Variants in CLNK observed in about 807,000 individuals in gnomAD.
CLNK encodes the protein cytokine-dependent hematopoietic cell linker.
In CLNK, 74 loss-of-function variants were observed where a neutral mutation model predicts 68.6. That is an observed-to-expected ratio of 1.08 (90% CI 0.89 to 1.31). CLNK has a LOEUF of 1.31. Among genes scored for constraint, CLNK ranks in the 50% most tolerant of loss-of-function variants. The pLI is 0.00. For synonymous variants in CLNK, 198 were observed against 172.2 expected (o/e 1.15, Z -1.17); for missense variants, 553 against 515.3 (o/e 1.07, Z -0.71).
chr4:10,489,997 A>T lies in CLNK; in HGVS notation c.*470T>A, dbSNP rs1716498382. The T allele has an allele frequency of 6.5e-6, 1 of 154,526 alleles. No individual in the cohort carries two copies. Among genetic ancestry groups the T allele is most frequent in the Non-Finnish European group, 1.4e-5 (1 of 69,876 alleles). The allele number at this position is 154,526 out of a possible 1,614,324, so 9.6% of individuals were successfully genotyped here. A position where few individuals can be genotyped will look rare whatever the true frequency, so the allele number is the denominator to read the frequency against. The stretch of plus-strand genomic sequence containing the variant: ...CTTTAGTGTAAGAAATCATCCACAC[A>T]TTGTATATATGTAAGGCCCAACAAC... On this transcript the variant is annotated 3_prime_UTR_variant, in exon 19 of 19. Coordinates refer to ENST00000226951, the MANE Select transcript of CLNK (RefSeq NM_052964.4).
intron 2 of CLNK, among the ~76,000 whole-genome samples, chr4:10,619,481 C>T (rs2720369): frequency 0.69 from 105,407 of 152,006 alleles, 37,535 homozygotes; most frequent in East Asian, 0.77. Flanking sequence ...AGCTACCATC[C>T]CTCCCAAAGC....
chr4:10,573,763 C>G (rs1270984748), intron 4 of CLNK, among the ~76,000 whole-genome samples: 1 of 152,128 alleles, frequency 6.6e-6, no homozygotes, highest in African/African-American at 2.4e-5. Context: ...TCCTTTCTCA[C>G]CAGAGGCGAG....
At position 10,525,894 on chromosome 4, in the gene CLNK, T is replaced by C; in HGVS notation, c.678A>G (p.Ser226=). Residue 226 remains serine (S), a synonymous_variant, in exon 14 of 19, where the codon TCA becomes TCG. Coordinates refer to ENST00000226951, the MANE Select transcript of CLNK (RefSeq NM_052964.4). The stretch of plus-strand genomic sequence containing the variant: ...TATTTTGGTTTTCTAACAGATGAGT[T>C]GATTCAGGCTTCCTCTGGTTATGAG... ...KVPHNQRKPE[S]THLLENQNTQ... 6.3e-7 allele frequency: 1 copy of C among 1,579,824 alleles called. No homozygotes were observed. The highest frequency in any genetic ancestry group is 8.6e-7 in the Non-Finnish European group (1 of 1,160,632).
intron 2 of CLNK, among the ~76,000 whole-genome samples, chr4:10,662,906 T>C (rs1159981336): frequency 6.6e-6 from 1 of 152,236 alleles, no homozygotes; most frequent in African/African-American, 2.4e-5. Flanking sequence ...GCTTAAGCCT[T>C]ATTTCAAAGT....
rs1716373738 is a variant in CLNK, at chr4:10,486,943, C to T, written c.*3524G>A. ...TTCACTGCTCTATTTTCAACATCTA[C>T]AATAGTGCTTAGTAATGAATACACA... On this transcript the variant is annotated 3_prime_UTR_variant, in exon 19 of 19. Coordinates refer to ENST00000226951, the MANE Select transcript of CLNK (RefSeq NM_052964.4). The T allele has an allele frequency of 2.6e-5, 4 of 152,120 alleles. No homozygotes were observed. Among genetic ancestry groups the T allele is most frequent in the South Asian group, 2.1e-4 (1 of 4,838 alleles). The allele number at this position is 152,120 out of a possible 1,614,324, so 9.4% of individuals were successfully genotyped here.
Position 10,501,301 on chromosome 4 carries a change from C to G in CLNK, c.1095G>C (p.Glu365Asp), listed in dbSNP as rs1200575936. Reference sequence around the variant, plus strand: ...TCCCCAGGGCAAACTGCTGATTCCTCTCCAGGAAGCGTATTTTTACATTGT... The same window carrying G: ...TCCCCAGGGCAAACTGCTGATTCCTGTCCAGGAAGCGTATTTTTACATTGT... ...KVYNVKIRFL[E>D]RNQQFALGTG... The change falls in exon 18 of 19, where the codon GAG (glutamate) becomes GAC (aspartate). Residue 365 changes from glutamate to aspartate, a missense_variant. Glu to Asp is a conservative substitution (Grantham distance 45). Transcript: ENST00000226951. The G allele has an allele frequency of 1.9e-6, 3 of 1,606,540 alleles. No homozygotes were observed. Among genetic ancestry groups the G allele is most frequent in the Non-Finnish European group, 2.5e-6 (3 of 1,177,424 alleles).
intron 2 of CLNK, among the ~76,000 whole-genome samples, chr4:10,616,790 G>GTATATATATATATATACATA (rs1553858174): frequency 1.6e-5 from 1 of 64,360 alleles, no homozygotes; most frequent in Non-Finnish European, 4.2e-5. Flanking sequence ...GTGTGTGTGT[G>GTATATATATATATATACATA]TATATATATA....
chr4:10,503,384 C>T (rs893687279), intron 17 of CLNK, among the ~76,000 whole-genome samples: 1 of 151,582 alleles, frequency 6.6e-6, no homozygotes, highest in Non-Finnish European at 1.5e-5. Flanking sequence ...ATCGCTTGGA[C>T]CCAGGAGGCG....
chr4:10,732,131 T>C, the CLNK span, among the ~76,000 whole-genome samples: 1 of 152,220 alleles, frequency 6.6e-6, no homozygotes, highest in East Asian at 1.9e-4. Flanking sequence ...AATTAGAAAG[T>C]AATGAGTTTT....
At chr4:10,669,412 AG>A (rs554228361) in intron 1 of CLNK, among the ~76,000 whole-genome samples, 55 of 152,342 alleles carry the variant, frequency 3.6e-4, no homozygotes, top group African/African-American at 1.3e-3. Flanking sequence ...TTGTCTTGCC[AG>A]GTAAGTCTGG....
intron 2 of CLNK, among the ~76,000 whole-genome samples, chr4:10,639,842 T>C (rs534188806): frequency 2.0e-5 from 3 of 152,314 alleles, no homozygotes; most frequent in African/African-American, 7.2e-5. Flanking sequence ...AAATATTCTC[T>C]TGTGAAAGAA....
chr4:10,490,449 G>A lies in CLNK; in HGVS notation c.*18C>T. The A allele has an allele frequency of 2.5e-6, 4 of 1,610,042 alleles. No individual in the cohort carries two copies. Among genetic ancestry groups the A allele is most frequent in the Non-Finnish European group, 3.4e-6 (4 of 1,178,742 alleles). ...GAAGCGCTGAATCCAGTAAACCAAA[G>A]ATAACACAAAGACCAGGCTACAGAG... On this transcript the variant is annotated 3_prime_UTR_variant, in exon 19 of 19. Coordinates refer to ENST00000226951, the MANE Select transcript of CLNK (RefSeq NM_052964.4).
chr4:10,724,348 T>C, the CLNK span, among the ~76,000 whole-genome samples: 1 of 152,202 alleles, frequency 6.6e-6, no homozygotes, highest in Non-Finnish European at 1.5e-5. Context: ...TGCCATCCTA[T>C]GTAATTCTAC....
Position 10,501,238 on chromosome 4 carries a change from C to A in CLNK, c.1140+18G>T. 6.5e-7 allele frequency: 1 copy of A among 1,543,914 alleles called. No homozygotes were observed. The highest frequency in any genetic ancestry group is 8.7e-7 in the Non-Finnish European group (1 of 1,153,616). ...TTGCGCTTAGCCTGGAACAGGGAGG[C>A]TGTTAAGTTATACCCACCTCATCTC... On this transcript the variant is annotated intron_variant, in intron 18 of 18. Transcript: ENST00000226951.
intron 2 of CLNK, chr4:10,635,649 A>C (rs541933854): frequency 1.3e-5 from 2 of 152,212 alleles, no homozygotes; most frequent in African/African-American, 2.4e-5. Flanking sequence ...CTCTGTATGA[A>C]TCTAGATACA....
At chr4:10,626,328 A>G (rs1001581780) in intron 2 of CLNK, among the ~76,000 whole-genome samples, 2 of 152,012 alleles carry the variant, frequency 1.3e-5, no homozygotes, top group Non-Finnish European at 2.9e-5. Context: ...TTTCTCATTC[A>G]TGCTCTCCTT....
At chr4:10,516,259 G>T (rs1408966977) in intron 15 of CLNK, among the ~76,000 whole-genome samples, 1 of 152,110 alleles carries the variant, frequency 6.6e-6, no homozygotes, top group Non-Finnish European at 1.5e-5. Flanking sequence ...GAGGTAATCA[G>T]TGTGAATACA....
chr4:10,668,087 G>A (rs995831979), intron 1 of CLNK, among the ~76,000 whole-genome samples, 176 bp from the exon 2 acceptor site: 3 of 152,188 alleles, frequency 2.0e-5, no homozygotes, highest in Non-Finnish European at 2.9e-5. Context: ...CAGTTGGGGA[G>A]GGGATTTCTT....
intron 4 of CLNK, among the ~76,000 whole-genome samples, chr4:10,580,178 T>C (rs1394862103): frequency 2.0e-5 from 3 of 152,212 alleles, no homozygotes; most frequent in Non-Finnish European, 4.4e-5. Flanking sequence ...CATTACCTAA[T>C]GATGTTGTAG....
Sources: gnomAD v4.1 joint callset for allele counts (sites outside exome capture counted in the v4.1 genomes callset) on GRCh38, gnomAD v4.1.1 for gene constraint, MANE v1.5 for transcripts, NCBI Gene and HGNC (gene_info 2026-07-23, HGNC 2026-07-21) for gene names.